NAF1: variants seen among roughly 807,000 people sequenced by gnomAD.
NAF1 encodes the protein H/ACA ribonucleoprotein complex non-core subunit NAF1.
A neutral mutation model predicts 40.6 loss-of-function variants in NAF1; 11 were observed. That is an observed-to-expected ratio of 0.27 (90% CI 0.17 to 0.45). The LOEUF is 0.45. Among genes scored for constraint, NAF1 ranks in the 20% least tolerant of loss-of-function variants. NAF1 has a pLI of 1.00. For synonymous variants in NAF1, 260 were observed against 228.5 expected (o/e 1.14, Z -1.24); for missense variants, 607 against 611.1 (o/e 0.99, Z 0.07).
At chr4:163,107,181 T>C (rs1451497586), downstream of NAF1, among the ~76,000 whole-genome samples, 1 of 152,200 alleles carries the variant, frequency 6.6e-6, no homozygotes, top group Non-Finnish European at 1.5e-5. Context: ...CAGGCGGGGT[T>C]TCACCGTGTT....
At position 163,128,743 on chromosome 4, in the gene NAF1, C is replaced by A; in HGVS notation, c.*154G>T. 1 of 1,114,972 alleles carries A rather than the reference C, an allele frequency of 9.0e-7. No homozygotes were observed. The highest frequency in any genetic ancestry group is 1.2e-6 in the Non-Finnish European group (1 of 868,100). The allele number at this position is 1,114,972 out of a possible 1,614,324, so 69.1% of individuals were successfully genotyped here. A position where few individuals can be genotyped will look rare whatever the true frequency, so the allele number is the denominator to read the frequency against. On this transcript the variant is annotated 3_prime_UTR_variant, in exon 8 of 8. Coordinates refer to ENST00000274054, the MANE Select transcript of NAF1 (RefSeq NM_138386.3). ...ACATTTTCATATGAATACAATTTCA[C>A]AAAGGTTACAAATATATATCAACTT... is the stretch of plus-strand genomic sequence containing the variant.
intron 5 of NAF1, among the ~76,000 whole-genome samples, chr4:163,139,920 A>C (rs911602783): frequency 6.6e-5 from 10 of 152,158 alleles, no homozygotes; most frequent in Non-Finnish European, 1.3e-4. Context: ...TATTAGTACT[A>C]ATACTAAAAT....
rs1393682316 is a variant in NAF1 at position 163,128,970 on chromosome 4, G to A, written c.1412C>T (p.Pro471Leu). The A allele has an allele frequency of 3.4e-6, 5 of 1,475,084 alleles. No individual in the cohort carries two copies. Among genetic ancestry groups the A allele is most frequent in the Non-Finnish European group, 3.7e-6 (4 of 1,071,656 alleles). 91.4% of individuals were successfully genotyped at this position (1,475,084 alleles called of 1,614,324 possible). The change falls in exon 8 of 8, where the codon CCC becomes CTC. Residue 471 changes from proline to leucine, a missense_variant. Pro to Leu is a moderately conservative substitution (Grantham distance 98, BLOSUM62 -3). Around this residue, in one of 3 missense-constraint regions of NAF1, gnomAD observed 189 missense variants for 216.6 expected, o/e 0.87. Coordinates refer to ENST00000274054, the MANE Select transcript of NAF1 (RefSeq NM_138386.3). ...LLNLPYSLPPPPPPPPLPPPP... is the reference protein window; with the variant it reads ...LLNLPYSLPPLPPPPPLPPPP... ...AGGAGGCAGTGGTGGAGGGGGAGGG[G>A]GTGGGGGTAGGGAGTATGGTAAGTT...
chr4:163,164,429 T>C, intron 1 of NAF1, 38 bp from the exon 2 acceptor site: 1 of 1,340,710 alleles, frequency 7.5e-7, no homozygotes. Flanking sequence ...TAGTCCAGTA[T>C]TATTATACTA....
In NAF1 at chr4:163,140,369, A is replaced by G. The variant is rs930561687; in HGVS notation, c.732T>C (p.Phe244=). The change falls in exon 5 of 8, where the codon TTT becomes TTC. Residue 244 remains phenylalanine (F), a synonymous_variant. Coordinates refer to ENST00000274054, the MANE Select transcript of NAF1 (RefSeq NM_138386.3). ...RQAAGKIFEI[F]GPVAHPFYVL... is the part of the protein sequence containing the mutation. ...CATAAAATGGATGTGCAACAGGTCC[A>G]AATATCTCGAATATCTGTAATAGAA... The G allele has an allele frequency of 1.9e-6, 3 of 1,603,904 alleles. No homozygotes were observed. In the African/African-American group the frequency reaches 4.0e-5, roughly 22 times the overall value.
At chr4:163,164,754 T>C (rs1173318591) in intron 1 of NAF1, among the ~76,000 whole-genome samples, 3 of 152,204 alleles carry the variant, frequency 2.0e-5, no homozygotes, top group Non-Finnish European at 4.4e-5. Context: ...ATTCTGGGCA[T>C]GGCACCTCTC....
At chr4:163,150,408 C>T (rs1359391548) in intron 2 of NAF1, among the ~76,000 whole-genome samples, 1 of 152,044 alleles carries the variant, frequency 6.6e-6, no homozygotes, top group Non-Finnish European at 1.5e-5. Flanking sequence ...TTTCAAATAC[C>T]TTTACTATGC....
intron 3 of NAF1, among the ~76,000 whole-genome samples, chr4:163,147,783 G>A (rs901626412): frequency 6.6e-6 from 1 of 152,104 alleles, no homozygotes. Context: ...GTCTTTAAAA[G>A]CAGAGAACCT....
In NAF1 at chr4:163,154,398, ATATG is replaced by A. The variant is rs1731880522; in HGVS notation, c.541-5968_541-5965del. ...ATAAAAACTAAATAGTATATACAAA[ATATG>A]TAAGAGGTAAGTGAAACCATCCTTG... On this transcript the variant is annotated intron_variant, in intron 2 of 7. Coordinates refer to ENST00000274054, the MANE Select transcript of NAF1 (RefSeq NM_138386.3). Among the ~76,000 whole-genome samples the A allele has an allele frequency of 8.5e-5, 13 of 152,372 alleles. No individual in the cohort carries two copies. The South Asian group carries it at 2.7e-3, about 32-fold the overall frequency.
chr4:163,163,252 G>A (rs1297093920), intron 2 of NAF1, among the ~76,000 whole-genome samples: 1 of 152,006 alleles, frequency 6.6e-6, no homozygotes, highest in Non-Finnish European at 1.5e-5. Flanking sequence ...AAATCCAAAG[G>A]TCTTCAAGTT....
Position 163,129,282 on chromosome 4 carries a change from C to T in NAF1, c.1100G>A (p.Gly367Glu), listed in dbSNP as rs927794902. 6.2e-7 allele frequency: 1 copy of T among 1,613,952 alleles called. No individual in the cohort carries two copies. Among genetic ancestry groups the T allele is most frequent in the African/African-American group, 1.3e-5 (1 of 74,896 alleles). Residue 367 changes from glycine to glutamate, a missense_variant, in exon 8 of 8, where the codon GGA becomes GAA. Physicochemically the swap from Gly to Glu is moderately conservative, Grantham distance 98 (BLOSUM62 -2). Coordinates refer to ENST00000274054, the MANE Select transcript of NAF1 (RefSeq NM_138386.3). ...TCGTGTGAATTCTCTGTTACGATAT[C>T]CTTTTGCATGCTCTGAAGCAGAGCT... ...AHSSASEHAK[G>E]YRNREFTRGF... is the part of the protein sequence containing the mutation.
rs143293377 is a variant in NAF1 at position 163,141,060 on chromosome 4, C to T, written c.718-677G>A. ...CAAATTGTACTTTCTTCTCAAAATACGTGAATTAAAAAATATATTTTCTGG... is the reference window on the plus strand; with the variant it reads ...CAAATTGTACTTTCTTCTCAAAATATGTGAATTAAAAAATATATTTTCTGG... On this transcript the variant is annotated intron_variant, in intron 4 of 7. Transcript: ENST00000274054. Among the ~76,000 whole-genome samples, 1,384 of 152,220 alleles carry T rather than the reference C, an allele frequency of 9.1e-3. 12 individuals are homozygous for T. Among genetic ancestry groups the T allele is most frequent in the Non-Finnish European group, 0.012 (828 of 68,012 alleles).
At chr4:163,117,225 A>T (rs1396086651) in intron 2 of NAF1, among the ~76,000 whole-genome samples, 1 of 152,134 alleles carries the variant, frequency 6.6e-6, no homozygotes, top group Non-Finnish European at 1.5e-5. Context: ...CCCAAGGTGG[A>T]ATAGACTTTT....
At chr4:163,117,387 T>C (rs1390517853) in intron 2 of NAF1, 6 of 152,180 alleles carry the variant, frequency 3.9e-5, no homozygotes, top group Non-Finnish European at 8.8e-5. Flanking sequence ...CAAATGTTCA[T>C]TGAATAAATG....
intron 2 of NAF1, among the ~76,000 whole-genome samples, chr4:163,151,366 T>G (rs921520827): frequency 6.9e-6 from 1 of 143,922 alleles, no homozygotes; most frequent in Non-Finnish European, 1.5e-5. Context: ...ATTTCTCTAG[T>G]TTTTTTTTTT....
chr4:163,140,161 G>A, intron 5 of NAF1, 62 bp downstream of exon 5: 1 of 1,327,510 alleles, frequency 7.5e-7, no homozygotes, highest in Non-Finnish European at 1.0e-6. Context: ...ACATCACTGA[G>A]AATTATTCTT....
chr4:163,115,309 C>T (rs1465168413), intron 2 of NAF1, among the ~76,000 whole-genome samples: 1 of 148,728 alleles, frequency 6.7e-6, no homozygotes, highest in Non-Finnish European at 1.5e-5. Context: ...CCCAGGTTCA[C>T]GCCATTCTCC....
intron 2 of NAF1, chr4:163,156,892 T>C (rs574442353): frequency 1.3e-5 from 2 of 152,258 alleles, no homozygotes; most frequent in East Asian, 3.9e-4. Context: ...TAGAAATAAC[T>C]ATTTTATCAT....
At chr4:163,165,577 T>G (rs893703809) in intron 1 of NAF1, among the ~76,000 whole-genome samples, 6 of 152,176 alleles carry the variant, frequency 3.9e-5, no homozygotes, top group Non-Finnish European at 8.8e-5. Context: ...TCAGCCTTCT[T>G]CACTTCCACT....
Sources: allele counts gnomAD v4.1 joint callset (sites outside exome capture counted in the v4.1 genomes callset), GRCh38; gene constraint gnomAD v4.1.1; regional missense constraint gnomAD v4.1.1; transcripts MANE v1.5; gene names NCBI Gene and HGNC (gene_info 2026-07-23, HGNC 2026-07-21).